FERMT1: variants seen among roughly 807,000 people sequenced by gnomAD.
The protein encoded by FERMT1 is FERM domain containing kindlin 1, also known as fermitin family homolog 1.
Under a neutral mutation model 85.3 loss-of-function variants are expected in FERMT1, and 60 were observed. That is an observed-to-expected ratio of 0.70 (90% CI 0.57 to 0.87). The LOEUF is 0.87. Among genes scored for constraint, FERMT1 ranks in the 40% least tolerant of loss-of-function variants. The pLI, the probability that FERMT1 is intolerant of heterozygous loss-of-function variation, is 0.00. For synonymous variants in FERMT1, 275 were observed against 301.1 expected (o/e 0.91, Z 0.90); for missense variants, 701 against 818.9 (o/e 0.86, Z 1.76).
intron 2 of FERMT1, among the ~76,000 whole-genome samples, chr20:6,116,517 C>T (rs552687356): frequency 6.6e-6 from 1 of 152,190 alleles, no homozygotes; most frequent in East Asian, 1.9e-4. Context: ...CACCTGAGGT[C>T]AGGAGTTCGA....
chr20:6,102,697 A>AAAAAG (rs56906986), intron 6 of FERMT1, among the ~76,000 whole-genome samples: 9 of 129,070 alleles, frequency 7.0e-5, no homozygotes, highest in African/African-American at 2.5e-4. Context: ...AAAAAAAAAA[A>AAAAAG]AAAAGAAAAG....
chr20:6,079,401 G>A (rs1246090163), intron 14 of FERMT1, 35 bp downstream of exon 14: 1 of 1,609,998 alleles, frequency 6.2e-7, no homozygotes, highest in African/African-American at 1.3e-5. Flanking sequence ...CACATTTATA[G>A]GCTCAACACT....
intron 14 of FERMT1, among the ~76,000 whole-genome samples, chr20:6,078,022 C>T (rs1265320735): frequency 6.6e-6 from 1 of 152,214 alleles, no homozygotes; most frequent in Admixed American, 6.5e-5. Context: ...AATTTTCCTA[C>T]AGCCACTGCC....
chr20:6,109,716 A>G (rs189090088), intron 5 of FERMT1, among the ~76,000 whole-genome samples: 78 of 152,194 alleles, frequency 5.1e-4, no homozygotes, highest in Non-Finnish European at 9.1e-4. Context: ...CCTGACCAAC[A>G]TGGAGAAACC....
At position 6,119,453 on chromosome 20, in the gene FERMT1, A is replaced by G. The variant is rs772330315; in HGVS notation, c.102T>C (p.Ser34=). ...EQQKDVTLRV[S]GDLHVGGVML... The stretch of plus-strand genomic sequence containing the variant: ...TCACTCCTCCAACATGAAGGTCTCC[A>G]GATACTCTCAGTGTGACGTCTTTCT... The change falls in exon 2 of 15, where the codon TCT becomes TCC. Residue 34 remains serine (S), a synonymous_variant. Transcript: ENST00000217289. The G allele has an allele frequency of 9.9e-6, 16 of 1,614,130 alleles. No homozygotes were observed. The South Asian group carries it at 1.8e-4, about 18-fold the overall frequency.
intron 8 of FERMT1, 66 bp downstream of exon 8, chr20:6,096,834 GAA>G: frequency 1.4e-6 from 1 of 735,912 alleles, no homozygotes; most frequent in South Asian, 1.5e-5. Context: ...TTCTAATAAA[GAA>G]AAGTTCATTT....
intron 9 of FERMT1, among the ~76,000 whole-genome samples, chr20:6,092,479 G>A (rs1982395333): frequency 6.6e-6 from 1 of 152,060 alleles, no homozygotes; most frequent in African/African-American, 2.4e-5. Flanking sequence ...TGAGGTAGAG[G>A]CTGCAGTGAG....
intron 14 of FERMT1, among the ~76,000 whole-genome samples, chr20:6,079,147 G>A (rs1981922690): frequency 6.6e-6 from 1 of 152,206 alleles, no homozygotes; most frequent in Middle Eastern, 3.2e-3. Flanking sequence ...CCTATGCTGA[G>A]TCAATGAAAA....
chr20:6,097,502 A>G, intron 7 of FERMT1, 22 bp downstream of exon 7: 1 of 1,540,814 alleles, frequency 6.5e-7, no homozygotes, highest in Non-Finnish European at 9.0e-7. Context: ...CTTCCAGAGA[A>G]AAGGTACTGA....
intron 10 of FERMT1, among the ~76,000 whole-genome samples, chr20:6,088,486 G>A (rs1246019478): frequency 2.6e-5 from 4 of 152,176 alleles, no homozygotes; most frequent in Non-Finnish European, 1.5e-5. Flanking sequence ...TTACTAGACT[G>A]CATTCAAGGC....
At chr20:6,096,733 C>A (rs978155165) in intron 8 of FERMT1, among the ~76,000 whole-genome samples, 169 bp downstream of exon 8, 5 of 150,444 alleles carry the variant, frequency 3.3e-5, no homozygotes, top group Non-Finnish European at 7.4e-5. Context: ...GTGGAGCTAA[C>A]CCATGAAAAG....
rs115139651 is a variant in FERMT1, at chr20:6,078,064, T to C, written c.1861-718A>G. On this transcript the variant is annotated intron_variant, in intron 14 of 14. Coordinates refer to ENST00000217289, the MANE Select transcript of FERMT1 (RefSeq NM_017671.5). ...CCTTTCCTAGCTGCAAGTCATAAACTCTAAGCACTAGAAGAAAGACTTAGA... is the reference window on the plus strand; with the variant it reads ...CCTTTCCTAGCTGCAAGTCATAAACCCTAAGCACTAGAAGAAAGACTTAGA... Among the ~76,000 whole-genome samples the C allele has an allele frequency of 2.8e-3, 431 of 152,292 alleles. 1 individual carries two copies. The highest frequency in any genetic ancestry group is 0.01 in the African/African-American group (418 of 41,554).
chr20:6,111,084 G>A (rs1600446125), intron 4 of FERMT1, among the ~76,000 whole-genome samples: 1 of 152,138 alleles, frequency 6.6e-6, no homozygotes, highest in African/African-American at 2.4e-5. Flanking sequence ...TTACAGGCAT[G>A]AGCCACCACA....
At chr20:6,092,684 A>AT (rs1173729626) in intron 9 of FERMT1, among the ~76,000 whole-genome samples, 3 of 152,070 alleles carry the variant, frequency 2.0e-5, no homozygotes, top group African/African-American at 7.2e-5. Flanking sequence ...TAGTTTTTCT[A>AT]TTTTTCATTC....
At chr20:6,086,738 ACT>A (rs2093476167) in intron 11 of FERMT1, among the ~76,000 whole-genome samples, 1 of 150,342 alleles carries the variant, frequency 6.7e-6, no homozygotes, top group African/African-American at 2.5e-5. Flanking sequence ...TTCCCCCTTC[ACT>A]CTCTCCCTCT....
chr20:6,102,718 C>T (rs1982695524), intron 6 of FERMT1, among the ~76,000 whole-genome samples: 1 of 138,910 alleles, frequency 7.2e-6, no homozygotes, highest in African/African-American at 2.7e-5. Flanking sequence ...AAAATAGAAA[C>T]CTCAAGCTGG....
At chr20:6,090,263 T>TG (rs1275707353) in intron 9 of FERMT1, among the ~76,000 whole-genome samples, 3 of 151,806 alleles carry the variant, frequency 2.0e-5, no homozygotes, top group Non-Finnish European at 4.4e-5. Flanking sequence ...TTAGTAGAGA[T>TG]GGGGTTTCAC....
At chr20:6,099,734 G>T (rs1386742555) in intron 6 of FERMT1, among the ~76,000 whole-genome samples, 2 of 150,768 alleles carry the variant, frequency 1.3e-5, no homozygotes, top group African/African-American at 4.9e-5. Context: ...AGTGGCTCTT[G>T]TCACTAGTCC....
Position 6,097,623 on chromosome 20 carries a change from A to G in FERMT1, c.858T>C (p.Ala286=), listed in dbSNP as rs200487686. The change falls in exon 7 of 15, where the codon GCT becomes GCC. Residue 286 remains alanine, a synonymous_variant. Coordinates refer to ENST00000217289, the MANE Select transcript of FERMT1 (RefSeq NM_017671.5). Reference sequence around the variant, plus strand: ...GCTCATAGAGTTGGTTTATTCGGACAGCATCATACTAGAGACAAAAACAGA... The same window carrying G: ...GCTCATAGAGTTGGTTTATTCGGACGGCATCATACTAGAGACAAAAACAGA... ...SFFDLNPKYD[A]VRINQLYEQA... is the part of the protein sequence containing the mutation. 18 of 1,611,550 alleles carry G rather than the reference A, an allele frequency of 1.1e-5. No homozygotes were observed. The East Asian group carries it at 3.8e-4, about 34-fold the overall frequency.
Sources: gnomAD v4.1 joint callset for allele counts (sites outside exome capture counted in the v4.1 genomes callset) on GRCh38, gnomAD v4.1.1 for gene constraint, MANE v1.5 for transcripts, NCBI Gene and HGNC (gene_info 2026-07-23, HGNC 2026-07-21) for gene names.